Variants in STAG1 observed in about 807,000 individuals in gnomAD.
The protein encoded by STAG1 is cohesin subunit SA-1.
Under a neutral mutation model 170.9 loss-of-function variants are expected in STAG1, and 26 were observed. The ratio of observed to expected loss-of-function variants is 0.15; its 90% CI spans 0.11 to 0.21. The LOEUF (loss-of-function observed/expected upper bound fraction) is 0.21. Among genes scored for constraint, STAG1 ranks in the 10% least tolerant of loss-of-function variants. The pLI, the probability that STAG1 is intolerant of heterozygous loss-of-function variation, is 1.00. For synonymous variants in STAG1, 514 were observed against 497.7 expected (o/e 1.03, Z -0.44); for missense variants, 964 against 1,509.5 (o/e 0.64, Z 5.99).
intron 24 of STAG1, among the ~76,000 whole-genome samples, chr3:136,367,842 C>T (rs1200406514): frequency 6.6e-6 from 1 of 152,082 alleles, no homozygotes; most frequent in Non-Finnish European, 1.5e-5. Context: ...GTTTCTTCCT[C>T]AAATTTGTAA....
chr3:136,674,820 G>T (rs997038233), intron 1 of STAG1, among the ~76,000 whole-genome samples: 1 of 152,122 alleles, frequency 6.6e-6, no homozygotes, highest in Non-Finnish European at 1.5e-5. Flanking sequence ...ATGAAGACTT[G>T]CATAATTAGT....
rs1210292441 is a variant in STAG1, at chr3:136,502,507, C to T, written c.828+121G>A. 3.7e-6 allele frequency: 4 copies of T among 1,079,536 alleles called. No individual in the cohort carries two copies. In the South Asian group the frequency reaches 7.3e-5, roughly 20 times the overall value. The allele number at this position is 1,079,536 out of a possible 1,614,324, so 66.9% of individuals were successfully genotyped here. ...CTCCAGCTTCATTTGGAAACCCTGA[C>T]ATCAAATAATCTAACTAAATATACA... On this transcript the variant is annotated intron_variant, in intron 8 of 33. Transcript: ENST00000383202.
At chr3:136,457,186 C>T (rs896677311) in intron 13 of STAG1, among the ~76,000 whole-genome samples, 2 of 151,964 alleles carry the variant, frequency 1.3e-5, no homozygotes, top group Non-Finnish European at 2.9e-5. Context: ...GCTGCCCTGC[C>T]GCACCACAAA....
intron 1 of STAG1, among the ~76,000 whole-genome samples, chr3:136,705,958 C>T (rs1325276271): frequency 6.6e-6 from 1 of 150,988 alleles, no homozygotes; most frequent in Non-Finnish European, 1.5e-5. Flanking sequence ...CCTGTCTTGC[C>T]CAGACAGAGG....
At chr3:136,599,540 T>C (rs189577881) in intron 4 of STAG1, among the ~76,000 whole-genome samples, 1 of 151,854 alleles carries the variant, frequency 6.6e-6, no homozygotes, top group Non-Finnish European at 1.5e-5. Context: ...CAAAAATAAA[T>C]AAAATAAAAT....
chr3:136,617,546 T>C (rs1029958052), intron 3 of STAG1, among the ~76,000 whole-genome samples: 1 of 152,236 alleles, frequency 6.6e-6, no homozygotes, highest in African/African-American at 2.4e-5. Flanking sequence ...AGTCTGAATG[T>C]TCCTGAAAGA....
intron 5 of STAG1, among the ~76,000 whole-genome samples, chr3:136,564,904 A>C (rs1187928418): frequency 2.6e-5 from 4 of 150,958 alleles, no homozygotes; most frequent in Non-Finnish European, 5.9e-5. Context: ...AAGGAAACAT[A>C]GAGGTAAATC....
chr3:136,365,396 A>G (rs1199713230), intron 25 of STAG1, among the ~76,000 whole-genome samples: 2 of 152,176 alleles, frequency 1.3e-5, no homozygotes, highest in African/African-American at 2.4e-5. Context: ...GATTATGGAA[A>G]CTTTGTGCTC....
intron 5 of STAG1, among the ~76,000 whole-genome samples, chr3:136,550,452 C>T (rs886219204): frequency 2.6e-5 from 4 of 151,922 alleles, no homozygotes; most frequent in South Asian, 2.1e-4. Context: ...GGATTACAGG[C>T]GCCCACCACC....
intron 12 of STAG1, among the ~76,000 whole-genome samples, chr3:136,471,763 A>G (rs1175667320): frequency 1.3e-5 from 2 of 152,150 alleles, no homozygotes; most frequent in African/African-American, 2.4e-5. Flanking sequence ...TTCTACTTCT[A>G]TATCATTAAA....
chr3:136,721,334 A>T (rs1933250231), intron 1 of STAG1: 1 of 152,232 alleles, frequency 6.6e-6, no homozygotes, highest in Non-Finnish European at 1.5e-5. Context: ...GAACTAAGTA[A>T]ATCATTTTAA....
At chr3:136,487,130 C>T (rs2090033661) in intron 9 of STAG1, among the ~76,000 whole-genome samples, 1 of 151,748 alleles carries the variant, frequency 6.6e-6, no homozygotes, top group South Asian at 2.1e-4. Context: ...TCCCTCCCCT[C>T]ACCCCCAACT....
At chr3:136,424,781 T>C (rs1285592272) in intron 16 of STAG1, among the ~76,000 whole-genome samples, 1 of 152,196 alleles carries the variant, frequency 6.6e-6, no homozygotes, top group Non-Finnish European at 1.5e-5. Context: ...TCCTTTGACC[T>C]AGCAATACCA....
At chr3:136,551,219 G>GAA (rs1936376431) in intron 5 of STAG1, among the ~76,000 whole-genome samples, 1 of 114,816 alleles carries the variant, frequency 8.7e-6, no homozygotes, top group African/African-American at 3.2e-5. Context: ...GAGAGAGAGA[G>GAA]AGAGAGAGAG....
At chr3:136,731,670 A>G (rs1934050071) in intron 1 of STAG1, among the ~76,000 whole-genome samples, 1 of 152,250 alleles carries the variant, frequency 6.6e-6, no homozygotes, top group Admixed American at 6.5e-5. Context: ...ACTGTGCTTC[A>G]ATGTCTTTAT....
intron 3 of STAG1, among the ~76,000 whole-genome samples, chr3:136,604,996 T>C (rs931136933): frequency 4.6e-5 from 7 of 152,192 alleles, no homozygotes; most frequent in African/African-American, 1.4e-4. Flanking sequence ...ATAATGCCAA[T>C]GTTGAATATT....
At position 136,398,849 on chromosome 3, in the gene STAG1, A is replaced by AT; in HGVS notation, c.2197-21dup. The stretch of plus-strand genomic sequence containing the variant: ...GACTATCTGTATCAAATGAAAAAAA[A>AT]TTTTTTTAATGAAAAATTCAAAAAA... On this transcript the variant is annotated intron_variant, in intron 21 of 33. Transcript: ENST00000383202. 2.7e-6 allele frequency: 4 copies of AT among 1,508,262 alleles called. No homozygotes were observed. The highest frequency in any genetic ancestry group is 2.5e-5 in the East Asian group (1 of 40,474). 93.4% of individuals were successfully genotyped at this position (1,508,262 alleles called of 1,614,324 possible).
chr3:136,678,996 CAA>C (rs34852075), intron 1 of STAG1, among the ~76,000 whole-genome samples: 1 of 81,582 alleles, frequency 1.2e-5, no homozygotes, highest in East Asian at 4.9e-4. Context: ...AAATACTTCA[CAA>C]AAAAAAAAAA....
intron 16 of STAG1, among the ~76,000 whole-genome samples, chr3:136,425,888 T>C (rs2088106723): frequency 6.6e-6 from 1 of 151,616 alleles, no homozygotes; most frequent in African/African-American, 2.4e-5. Flanking sequence ...TAAAGACTAT[T>C]AAGGAAAATT....
Sources: allele counts gnomAD v4.1 joint callset (sites outside exome capture counted in the v4.1 genomes callset), GRCh38; gene constraint gnomAD v4.1.1; transcripts MANE v1.5; gene names NCBI Gene and HGNC (gene_info 2026-07-23, HGNC 2026-07-21).